Variants in CFAP58 observed in about 807,000 individuals in gnomAD.
CFAP58 encodes cilia- and flagella-associated protein 58.
In CFAP58, 88 loss-of-function variants were observed where a neutral mutation model predicts 119.5. The ratio of observed to expected loss-of-function variants is 0.74; its 90% CI spans 0.62 to 0.88. The LOEUF is 0.88. Ranked by LOEUF, CFAP58 falls within the 40% of genes least tolerant of loss-of-function variation. The pLI is 0.00. For synonymous variants in CFAP58, 365 were observed against 366.3 expected, an observed-to-expected ratio of 1.00 and a Z score of 0.04; for missense variants, 990 against 1,021.2, an observed-to-expected ratio of 0.97 and a Z score of 0.42.
chr10:104,370,893 A>G lies in CFAP58; in HGVS notation c.931-2A>G, dbSNP rs1479966686. On this transcript the variant is annotated splice_acceptor_variant, in intron 6 of 17. Transcript: ENST00000369704. LOFTEE classifies it high-confidence loss of function. Reference sequence around the variant, plus strand: ...TCATTAATTCTTTCTCACTAATTACAGGCCAAAGAGGAAGAAGTCCATCAA... The same window carrying G: ...TCATTAATTCTTTCTCACTAATTACGGGCCAAAGAGGAAGAAGTCCATCAA... 2.5e-6 allele frequency: 4 copies of G among 1,607,524 alleles called. No individual in the cohort carries two copies. The South Asian group carries it at 4.5e-5, about 18-fold the overall frequency.
chr10:104,341,189 G>A, the CFAP58 span, among the ~76,000 whole-genome samples: 3 of 151,988 alleles, frequency 2.0e-5, no homozygotes, highest in Non-Finnish European at 4.4e-5. Context: ...AACTCCCATT[G>A]AAGTTACAAT....
At chr10:104,372,564 C>T (rs1355982363) in intron 7 of CFAP58, among the ~76,000 whole-genome samples, 1 of 152,110 alleles carries the variant, frequency 6.6e-6, no homozygotes, top group Non-Finnish European at 1.5e-5. Context: ...GGAGGACCTC[C>T]ATGGGGTTAA....
At chr10:104,338,941 T>C in the CFAP58 span, among the ~76,000 whole-genome samples, 1 of 151,902 alleles carries the variant, frequency 6.6e-6, no homozygotes, top group South Asian at 2.1e-4. Context: ...GTTTCGCTCT[T>C]GTTGCCCAGG....
chr10:104,436,841 T>C (rs2012942987), intron 15 of CFAP58, among the ~76,000 whole-genome samples: 1 of 152,210 alleles, frequency 6.6e-6, no homozygotes, highest in Non-Finnish European at 1.5e-5. Flanking sequence ...GGTAAGGCAG[T>C]CCCTGGCGTA....
intron 5 of CFAP58, among the ~76,000 whole-genome samples, chr10:104,366,476 G>T (rs1278012646): frequency 6.6e-6 from 1 of 152,074 alleles, no homozygotes; most frequent in Non-Finnish European, 1.5e-5. Context: ...ATACTTTACA[G>T]AAATAAAATA....
At chr10:104,359,552 C>T (rs2014639065) in intron 2 of CFAP58, among the ~76,000 whole-genome samples, 1 of 152,208 alleles carries the variant, frequency 6.6e-6, no homozygotes, top group Non-Finnish European at 1.5e-5. Context: ...CCTGTAATCC[C>T]AGCACTCTGG....
chr10:104,430,283 C>T (rs1416683169), intron 15 of CFAP58, among the ~76,000 whole-genome samples: 2 of 152,192 alleles, frequency 1.3e-5, no homozygotes, highest in African/African-American at 4.8e-5. Flanking sequence ...CTAGAATCGT[C>T]ACTTTCCAGT....
chr10:104,360,870 C>G lies in CFAP58; in HGVS notation c.292-1153C>G, dbSNP rs1014166462. ...GGTTTATATGTACTCTTTATCCAGT[C>G]TATCACTGATGAGCATTTGGGTTGA... On this transcript the variant is annotated intron_variant, in intron 2 of 17. Coordinates refer to ENST00000369704, the MANE Select transcript of CFAP58 (RefSeq NM_001008723.2). Among the ~76,000 whole-genome samples the G allele has an allele frequency of 2.6e-5, 4 of 152,204 alleles. 1 individual carries two copies. The highest frequency in any genetic ancestry group is 2.6e-4 in the Admixed American group (4 of 15,278).
intron 6 of CFAP58, among the ~76,000 whole-genome samples, chr10:104,369,523 C>T (rs1186739689): frequency 6.6e-6 from 1 of 152,094 alleles, no homozygotes; most frequent in African/African-American, 2.4e-5. Context: ...TTTAAAACAG[C>T]CCAGAATGGG....
At chr10:104,405,468 A>G (rs1292635923) in intron 14 of CFAP58, among the ~76,000 whole-genome samples, 1 of 152,232 alleles carries the variant, frequency 6.6e-6, no homozygotes, top group African/African-American at 2.4e-5. Context: ...AAATTAGAAA[A>G]TAGAGACTCT....
chr10:104,378,781 A>G (rs7083064), intron 8 of CFAP58, among the ~76,000 whole-genome samples: 65,477 of 152,036 alleles, frequency 0.43, 17,535 homozygotes, highest in African/African-American at 0.77. Flanking sequence ...ATTCAGTTGC[A>G]GTTAAAGAGG....
At chr10:104,413,194 C>T (rs2012488144) in intron 15 of CFAP58, among the ~76,000 whole-genome samples, 1 of 152,200 alleles carries the variant, frequency 6.6e-6, no homozygotes, top group Non-Finnish European at 1.5e-5. Flanking sequence ...TTAAGTTCGT[C>T]TTCGAGCTCT....
At chr10:104,362,445 G>A (rs1444267851) in intron 3 of CFAP58, among the ~76,000 whole-genome samples, 4 of 152,114 alleles carry the variant, frequency 2.6e-5, no homozygotes, top group African/African-American at 7.2e-5. Context: ...AGGTTTCTCT[G>A]CAATTTGTGT....
intron 15 of CFAP58, among the ~76,000 whole-genome samples, chr10:104,423,111 T>G (rs183385764): frequency 6.6e-6 from 1 of 152,376 alleles, no homozygotes; most frequent in East Asian, 1.9e-4. Flanking sequence ...GTTTAATTTT[T>G]TATTCCCTTT....
the CFAP58 span, among the ~76,000 whole-genome samples, chr10:104,339,746 T>G: frequency 6.6e-6 from 1 of 152,228 alleles, no homozygotes; most frequent in Admixed American, 6.5e-5. Flanking sequence ...GCTCAAATTC[T>G]TTCCTTACGT....
At chr10:104,342,794 G>A in the CFAP58 span, among the ~76,000 whole-genome samples, 27 of 142,476 alleles carry the variant, frequency 1.9e-4, no homozygotes, top group Middle Eastern at 4.0e-3. Context: ...GCAGCGACCC[G>A]AGATCGTGCC....
chr10:104,345,334 G>A, the CFAP58 span, among the ~76,000 whole-genome samples: 1 of 152,152 alleles, frequency 6.6e-6, no homozygotes, highest in Admixed American at 6.5e-5. Context: ...AGAAAAAAAT[G>A]AGATAAGTGC....
intron 15 of CFAP58, among the ~76,000 whole-genome samples, chr10:104,434,715 G>A (rs1296152004): frequency 2.6e-5 from 4 of 152,242 alleles, no homozygotes; most frequent in African/African-American, 9.6e-5. Flanking sequence ...TGAAATCTCA[G>A]TGGACTTTTC....
chr10:104,427,899 C>T (rs1375203730), intron 15 of CFAP58, among the ~76,000 whole-genome samples: 6 of 152,146 alleles, frequency 3.9e-5, no homozygotes, highest in Admixed American at 3.9e-4. Flanking sequence ...TTGGCGTGAC[C>T]TTATCGTCTT....
Sources: allele counts gnomAD v4.1 joint callset (sites outside exome capture counted in the v4.1 genomes callset), GRCh38; gene constraint gnomAD v4.1.1; transcripts MANE v1.5; gene names NCBI Gene and HGNC (gene_info 2026-07-23, HGNC 2026-07-21).